The following ABCC1 variants were observed in gnomAD, a reference collection of about 807,000 sequenced individuals.
ABCC1 encodes the protein ATP binding cassette subfamily C member 1 (ABCC1 blood group), also known as multidrug resistance-associated protein 1.
Under a neutral mutation model 172.9 loss-of-function variants are expected in ABCC1, and 83 were observed. The ratio of observed to expected loss-of-function variants is 0.48; its 90% CI spans 0.40 to 0.58. ABCC1 has a LOEUF of 0.58. ABCC1 is among the 20% of genes least tolerant of loss of function. The probability of loss-of-function intolerance (pLI) is 0.00; values close to 1 mark genes in which losing one functional copy is unlikely to be tolerated. For synonymous variants in ABCC1, 937 were observed against 825.2 expected (o/e 1.14, Z -2.32); for missense variants, 1,817 against 2,002.7 (o/e 0.91, Z 1.77).
intron 19 of ABCC1, among the ~76,000 whole-genome samples, chr16:16,094,716 C>T (rs867035564): frequency 7.9e-5 from 12 of 151,164 alleles, no homozygotes; most frequent in East Asian, 2.0e-4. Context: ...GGGGTTTCAC[C>T]GTGTTAGTCA....
chr16:16,103,332 C>T (rs2051861596), intron 20 of ABCC1, among the ~76,000 whole-genome samples: 1 of 152,170 alleles, frequency 6.6e-6, no homozygotes, highest in Non-Finnish European at 1.5e-5. Flanking sequence ...ATAATCCCAG[C>T]ACTTCGGGAG....
intron 19 of ABCC1, among the ~76,000 whole-genome samples, chr16:16,100,714 C>T (rs2051697790): frequency 6.6e-6 from 1 of 152,240 alleles, no homozygotes; most frequent in Admixed American, 6.5e-5. Flanking sequence ...TAATAAGCAA[C>T]ACGGGGGTCG....
At chr16:16,132,441 T>C (rs545136456) in intron 27 of ABCC1, among the ~76,000 whole-genome samples, 31 of 150,988 alleles carry the variant, frequency 2.1e-4, no homozygotes, top group Non-Finnish European at 3.4e-4. Flanking sequence ...CCCAAAGTGC[T>C]GGGATTACAG....
intron 24 of ABCC1, 63 bp from the exon 25 acceptor site, chr16:16,124,726 G>GT: frequency 2.5e-6 from 4 of 1,609,152 alleles, no homozygotes; most frequent in Non-Finnish European, 3.4e-6. Flanking sequence ...CCCAAGAGCT[G>GT]TAAGCCAAGT....
At chr16:16,078,296 C>T (rs903567840) in intron 15 of ABCC1, among the ~76,000 whole-genome samples, 17 of 152,152 alleles carry the variant, frequency 1.1e-4, no homozygotes, top group African/African-American at 2.9e-4. Context: ...CTGGAGGTGC[C>T]GTCGGCAGTG....
At chr16:15,961,973 T>C (rs966344259) in intron 1 of ABCC1, among the ~76,000 whole-genome samples, 3 of 152,170 alleles carry the variant, frequency 2.0e-5, no homozygotes, top group African/African-American at 4.8e-5. Context: ...CCACAGGAAA[T>C]TGCTAGGTTG....
At chr16:16,108,749 C>G (rs563143887) in intron 21 of ABCC1, among the ~76,000 whole-genome samples, 17 of 151,988 alleles carry the variant, frequency 1.1e-4, no homozygotes, top group Non-Finnish European at 1.9e-4. Context: ...GTGTGCACCC[C>G]CACGCTTGAC....
intron 24 of ABCC1, among the ~76,000 whole-genome samples, chr16:16,124,241 C>T (rs1310201439): frequency 6.6e-6 from 1 of 152,006 alleles, no homozygotes; most frequent in Admixed American, 6.6e-5. Flanking sequence ...TTTTAAATCC[C>T]TAGTGTCTCT....
intron 1 of ABCC1, among the ~76,000 whole-genome samples, chr16:15,951,360 A>T (rs2045867751): frequency 2.0e-5 from 3 of 151,324 alleles, no homozygotes; most frequent in Admixed American, 6.6e-5. Context: ...ATCTTAAGAA[A>T]CTCATTCACG....
chr16:15,964,925 T>G (rs1339066930), intron 1 of ABCC1, among the ~76,000 whole-genome samples: 4 of 152,258 alleles, frequency 2.6e-5, no homozygotes, highest in Admixed American at 1.3e-4. Flanking sequence ...TTTTTGGGTA[T>G]GCCTGGACTA....
intron 16 of ABCC1, among the ~76,000 whole-genome samples, chr16:16,082,677 T>C (rs2050851123): frequency 6.6e-6 from 1 of 152,226 alleles, no homozygotes; most frequent in South Asian, 2.1e-4. Flanking sequence ...AGGATCTTGC[T>C]CTGTGGTCCA....
chr16:16,110,458 C>T lies in ABCC1; in HGVS notation c.2872-917C>T, dbSNP rs190538206. The stretch of plus-strand genomic sequence containing the variant: ...ACGCTGGAGTGCAGTGGCGCATTCT[C>T]GGCTCACTGTAACCTCCGCCTACTG... On this transcript the variant is annotated intron_variant, in intron 21 of 30. Coordinates refer to ENST00000399410, the MANE Select transcript of ABCC1 (RefSeq NM_004996.4). Among the ~76,000 whole-genome samples, 458 of 151,918 alleles carry T rather than the reference C, an allele frequency of 3.0e-3. 4 individuals carry two copies. Among genetic ancestry groups the T allele is most frequent in the African/African-American group, 0.01 (435 of 41,436 alleles).
intron 6 of ABCC1, among the ~76,000 whole-genome samples, chr16:16,036,112 A>G (rs989453275): frequency 6.6e-6 from 1 of 152,080 alleles, no homozygotes; most frequent in Admixed American, 6.5e-5. Context: ...TGACACAGCG[A>G]GACCCTCTCT....
intron 14 of ABCC1, among the ~76,000 whole-genome samples, chr16:16,074,059 A>G (rs1015983757): frequency 3.3e-5 from 5 of 152,164 alleles, no homozygotes; most frequent in African/African-American, 4.8e-5. Context: ...TGGTCTCAGC[A>G]TCTTCAGCTC....
At chr16:16,085,393 G>C (rs1310955928) in intron 17 of ABCC1, among the ~76,000 whole-genome samples, 1 of 152,198 alleles carries the variant, frequency 6.6e-6, no homozygotes, top group African/African-American at 2.4e-5. Context: ...GCCCATTTCT[G>C]TTTTTAGTTA....
chr16:16,086,558 C>T (rs1487921999), intron 17 of ABCC1, among the ~76,000 whole-genome samples: 2 of 152,166 alleles, frequency 1.3e-5, no homozygotes, highest in Non-Finnish European at 2.9e-5. Flanking sequence ...GGGCTCAAGC[C>T]ATCTTCCCAC....
At chr16:16,051,855 C>G (rs2049443239) in intron 10 of ABCC1, among the ~76,000 whole-genome samples, 1 of 152,168 alleles carries the variant, frequency 6.6e-6, no homozygotes, top group African/African-American at 2.4e-5. Context: ...TAGCCAAGGG[C>G]TAAACTTGTA....
At chr16:15,987,743 C>T (rs956026526) in intron 1 of ABCC1, among the ~76,000 whole-genome samples, 52 of 152,218 alleles carry the variant, frequency 3.4e-4, no homozygotes, top group African/African-American at 9.4e-4. Flanking sequence ...GTGGCCTGTG[C>T]GTCCCGCACT....
intron 1 of ABCC1, among the ~76,000 whole-genome samples, chr16:15,988,857 C>G (rs1433925710): frequency 6.6e-6 from 1 of 151,874 alleles, no homozygotes; most frequent in Non-Finnish European, 1.5e-5. Flanking sequence ...ATTTGAGCCC[C>G]AGGAGTTTGA....
Sources: gnomAD v4.1 joint callset for allele counts (sites outside exome capture counted in the v4.1 genomes callset) on GRCh38, gnomAD v4.1.1 for gene constraint, MANE v1.5 for transcripts, NCBI Gene and HGNC (gene_info 2026-07-23, HGNC 2026-07-21) for gene names.